Variants in FANCL observed in about 807,000 individuals in gnomAD.
The protein encoded by FANCL is FA complementation group L.
Under a neutral mutation model 59.4 loss-of-function variants are expected in FANCL, and 69 were observed. The observed-to-expected ratio is 1.16, with a 90% confidence interval of 0.96 to 1.42. The LOEUF (loss-of-function observed/expected upper bound fraction) is 1.42, where lower values mean the gene tolerates loss of function less well. Among genes scored for constraint, FANCL ranks in the 40% most tolerant of loss-of-function variants. The pLI is 0.00. For synonymous variants in FANCL, 180 were observed against 147.1 expected (o/e 1.22, Z -1.62); for missense variants, 519 against 447.2 (o/e 1.16, Z -1.45).
At chr2:58,165,653 ATT>A in intron 8 of FANCL, 69 bp downstream of exon 8, 1 of 1,573,290 alleles carries the variant, frequency 6.4e-7, no homozygotes, top group Non-Finnish European at 8.7e-7. Flanking sequence ...TCCAACTGTC[ATT>A]GTTAGATTTA....
intron 7 of FANCL, among the ~76,000 whole-genome samples, chr2:58,168,836 G>A (rs1459234159): frequency 1.3e-5 from 2 of 152,142 alleles, no homozygotes; most frequent in African/African-American, 2.4e-5. Context: ...CCACGAGGAA[G>A]CTGGAACTGG....
intron 4 of FANCL, among the ~76,000 whole-genome samples, chr2:58,222,567 G>C (rs769319753): frequency 1.3e-5 from 2 of 151,898 alleles, no homozygotes; most frequent in Admixed American, 1.3e-4. Context: ...TCTTCAAGCA[G>C]GTAAGTCGGA....
At chr2:58,170,811 C>A (rs1686522907) in intron 7 of FANCL, among the ~76,000 whole-genome samples, 1 of 151,822 alleles carries the variant, frequency 6.6e-6, no homozygotes, top group Non-Finnish European at 1.5e-5. Context: ...ATCAATGCAA[C>A]AAGGAGAGCT....
At chr2:58,181,908 ATATT>A (rs977548717) in intron 7 of FANCL, among the ~76,000 whole-genome samples, 3 of 151,804 alleles carry the variant, frequency 2.0e-5, no homozygotes, top group Non-Finnish European at 4.4e-5. Context: ...CATTTAAAAA[ATATT>A]TAATAACTGG....
rs1386140623 is a variant in FANCL, at chr2:58,218,912, C to G, written c.374+3030G>C. 7.3e-5 allele frequency among the ~76,000 whole-genome samples: 11 copies of G among 151,160 alleles called. No homozygotes were observed. The South Asian group carries it at 1.0e-3, about 14-fold the overall frequency. On this transcript the variant is annotated intron_variant, in intron 5 of 13. Transcript: ENST00000233741. ...AAATGGTTATATACAAAAACATTTACAAGTATGTACACGAGTTAGTATAAA... is the reference window on the plus strand; with the variant it reads ...AAATGGTTATATACAAAAACATTTAGAAGTATGTACACGAGTTAGTATAAA...
intron 7 of FANCL, among the ~76,000 whole-genome samples, chr2:58,195,910 G>A (rs1432211349): frequency 6.6e-6 from 1 of 152,004 alleles, no homozygotes; most frequent in Non-Finnish European, 1.5e-5. Flanking sequence ...TCACTTCTAG[G>A]AAAAACCCAT....
At chr2:58,170,201 T>G (rs1241497066) in intron 7 of FANCL, among the ~76,000 whole-genome samples, 1 of 152,188 alleles carries the variant, frequency 6.6e-6, no homozygotes, top group Non-Finnish European at 1.5e-5. Flanking sequence ...GCAGAAACCC[T>G]ACAAGCCAGA....
chr2:58,177,473 C>G (rs1453973890), intron 7 of FANCL, among the ~76,000 whole-genome samples: 77 of 150,024 alleles, frequency 5.1e-4, no homozygotes, highest in African/African-American at 1.5e-3. Context: ...GAGTTCATGT[C>G]CTTTGTAGGG....
intron 13 of FANCL, 61 bp from the exon 14 acceptor site, chr2:58,159,861 T>A: frequency 6.2e-7 from 1 of 1,603,862 alleles, no homozygotes; most frequent in South Asian, 1.1e-5. Context: ...AAAATTGCTT[T>A]GTACTAGAAA....
rs144350768 is a variant in FANCL at position 58,186,284 on chromosome 2, G to A, written c.540+12310C>T. On this transcript the variant is annotated intron_variant, in intron 7 of 13. Coordinates refer to ENST00000233741, the MANE Select transcript of FANCL (RefSeq NM_018062.4). ...CAAACATCAGAATTTTCTTTAAGAA[G>A]GTAAATTTCTGGGCCATAAGTATGA... Among the ~76,000 whole-genome samples, 505 of 152,188 alleles carry A rather than the reference G, an allele frequency of 3.3e-3. 3 individuals are homozygous for A. The highest frequency in any genetic ancestry group is 0.014 in the Middle Eastern group (4 of 294).
At chr2:58,185,890 T>C (rs946898629) in intron 7 of FANCL, among the ~76,000 whole-genome samples, 1 of 152,178 alleles carries the variant, frequency 6.6e-6, no homozygotes, top group African/African-American at 2.4e-5. Context: ...ACTGCTGAAT[T>C]ACTTGTACAC....
At chr2:58,190,314 A>G (rs1249110110) in intron 7 of FANCL, among the ~76,000 whole-genome samples, 1 of 152,036 alleles carries the variant, frequency 6.6e-6, no homozygotes, top group Non-Finnish European at 1.5e-5. Flanking sequence ...GGACCAAATG[A>G]AACATAGTCA....
Position 58,177,398 on chromosome 2 carries a change from T to C in FANCL, c.541-11524A>G, listed in dbSNP as rs573788864. Among the ~76,000 whole-genome samples, 164 of 151,978 alleles carry C rather than the reference T, an allele frequency of 1.1e-3. 1 individual carries two copies. Among genetic ancestry groups the C allele is most frequent in the African/African-American group, 3.7e-3 (153 of 41,424 alleles). On this transcript the variant is annotated intron_variant, in intron 7 of 13. Transcript: ENST00000233741. The stretch of plus-strand genomic sequence containing the variant: ...AACCAACCCAAATATCCAACAATGA[T>C]AGACTGGATTAAGAAAACGTGGCAC...
chr2:58,229,686 A>C (rs1003958291), intron 3 of FANCL, 128 bp downstream of exon 3: 1 of 722,690 alleles, frequency 1.4e-6, no homozygotes, highest in Non-Finnish European at 2.4e-6. Context: ...ACAGAGATGA[A>C]ACCTACAAAA....
At chr2:58,192,626 G>C (rs1462173225) in intron 7 of FANCL, among the ~76,000 whole-genome samples, 1 of 151,822 alleles carries the variant, frequency 6.6e-6, no homozygotes, top group Non-Finnish European at 1.5e-5. Context: ...TTACAATATA[G>C]TTATTTGGGG....
intron 7 of FANCL, among the ~76,000 whole-genome samples, chr2:58,198,253 G>T (rs1052242361): frequency 2.0e-5 from 3 of 152,124 alleles, no homozygotes; most frequent in African/African-American, 7.2e-5. Flanking sequence ...AGTAAAAACA[G>T]TTACAGTTGG....
intron 7 of FANCL, among the ~76,000 whole-genome samples, chr2:58,172,986 G>C (rs978817339): frequency 2.0e-5 from 3 of 152,220 alleles, no homozygotes; most frequent in Non-Finnish European, 1.5e-5. Flanking sequence ...ACTACGTGAA[G>C]AATACAGAAG....
At chr2:58,160,067 G>A (rs1471768505) in intron 13 of FANCL, 41 bp downstream of exon 13, 19 of 1,609,082 alleles carry the variant, frequency 1.2e-5, no homozygotes, top group South Asian at 2.2e-5. Context: ...ATTACTGAAA[G>A]CTAGGCACAT....
chr2:58,218,880 C>T lies in FANCL; in HGVS notation c.374+3062G>A, dbSNP rs1412706391. 3.3e-5 allele frequency among the ~76,000 whole-genome samples: 5 copies of T among 151,376 alleles called. No homozygotes were observed. The East Asian group carries it at 9.7e-4, about 29-fold the overall frequency. ...GTATAAAATCATGTTTACCTTAATA[C>T]AGATATAAATGGTTATATACAAAAA... On this transcript the variant is annotated intron_variant, in intron 5 of 13. Coordinates refer to ENST00000233741, the MANE Select transcript of FANCL (RefSeq NM_018062.4).
Sources: gnomAD v4.1 joint callset for allele counts (sites outside exome capture counted in the v4.1 genomes callset) on GRCh38, gnomAD v4.1.1 for gene constraint, MANE v1.5 for transcripts, NCBI Gene and HGNC (gene_info 2026-07-23, HGNC 2026-07-21) for gene names.